The following BCL7C variants were observed in gnomAD, a reference collection of about 807,000 sequenced individuals.
The protein encoded by BCL7C is B-cell CLL/lymphoma 7 protein family member C.
BCL7C carries 8 observed loss-of-function variants against 26.2 expected under a neutral mutation model. The ratio of observed to expected loss-of-function variants is 0.30; its 90% CI spans 0.18 to 0.55. The LOEUF (loss-of-function observed/expected upper bound fraction) is 0.55, where lower values mean the gene tolerates loss of function less well. BCL7C is among the 20% of genes least tolerant of loss of function. The pLI, the probability that BCL7C is intolerant of heterozygous loss-of-function variation, is 0.93. For synonymous variants in BCL7C, 90 were observed against 116.5 expected (o/e 0.77, Z 1.47); for missense variants, 262 against 298.5 (o/e 0.88, Z 0.90).
chr16:30,890,723 C>T (rs2055213884), intron 4 of BCL7C, among the ~76,000 whole-genome samples: 3 of 151,578 alleles, frequency 2.0e-5, no homozygotes, highest in Admixed American at 6.6e-5. Flanking sequence ...CGGTGGCTCA[C>T]GCCTGTAATC....
At chr16:30,864,236 C>G (rs1035026159) in intron 5 of BCL7C, among the ~76,000 whole-genome samples, 11 of 152,110 alleles carry the variant, frequency 7.2e-5, no homozygotes, top group Non-Finnish European at 1.3e-4. Flanking sequence ...TAAAAAAACT[C>G]AAGGATAGAG....
intron 5 of BCL7C, among the ~76,000 whole-genome samples, chr16:30,860,925 T>C (rs1424489210): frequency 2.6e-5 from 4 of 152,008 alleles, no homozygotes; most frequent in Non-Finnish European, 5.9e-5. Flanking sequence ...CTATAATCCT[T>C]CTATCACCTC....
chr16:30,882,437 G>T lies in BCL7C; in HGVS notation c.528+6423C>A, dbSNP rs548403857. ...GCAACAGCCACCACTTCACGACATA[G>T]CAGAGGAGGGGTCAGGGGCTGAGGG... On this transcript the variant is annotated intron_variant, in intron 5 of 5. Coordinates refer to the BCL7C transcript ENST00000380317. Among the ~76,000 whole-genome samples, 9 of 152,292 alleles carry T rather than the reference G, an allele frequency of 5.9e-5. No individual in the cohort carries two copies. In the South Asian group the frequency reaches 1.9e-3, roughly 32 times the overall value.
chr16:30,862,497 T>C (rs1373369886), intron 5 of BCL7C, among the ~76,000 whole-genome samples: 3 of 152,098 alleles, frequency 2.0e-5, no homozygotes, highest in Admixed American at 6.6e-5. Context: ...CTTCTCACCT[T>C]ATTCAATATT....
chr16:30,890,285 C>T (rs565153311), intron 4 of BCL7C, among the ~76,000 whole-genome samples: 117 of 152,146 alleles, frequency 7.7e-4, no homozygotes, highest in African/African-American at 2.7e-3. Context: ...ATCCCAGCTA[C>T]TCAGGAGGCT....
In BCL7C at chr16:30,887,907, G is replaced by T; in HGVS notation, c.612C>A (p.Ala204=). ...TTGGGCAGATGCGCTTGAGTGGGGG[G>T]GCACCCTCCGAGTCCTCTGTGTCAC... ...AQGDTEDSEG[A]PPLKRICPNA... is the part of the protein sequence containing the mutation. The change falls in exon 6 of 6, where the codon GCC becomes GCA. Residue 204 remains alanine (A), a synonymous_variant. Coordinates refer to ENST00000215115, the MANE Select transcript of BCL7C (RefSeq NM_004765.4). 1 of 1,602,920 alleles carries T rather than the reference G, an allele frequency of 6.2e-7. No individual in the cohort carries two copies. Among genetic ancestry groups the T allele is most frequent in the Non-Finnish European group, 8.5e-7 (1 of 1,175,336 alleles).
chr16:30,857,986 A>G lies in BCL7C; in HGVS notation c.529-22838T>C, dbSNP rs113237880. On this transcript the variant is annotated intron_variant, in intron 5 of 5. Coordinates refer to the BCL7C transcript ENST00000380317. ...AACTCCAACTCCAAAAAAAAAAAAA[A>G]AAAGAAAGAAAGAAAGAAAAGCCAT... is the stretch of plus-strand genomic sequence containing the variant. Among the ~76,000 whole-genome samples the G allele has an allele frequency of 1.7e-3, 264 of 151,546 alleles. 2 individuals carry two copies. The highest frequency in any genetic ancestry group is 6.8e-3 in the Middle Eastern group (2 of 292).
In BCL7C at chr16:30,834,831, A is replaced by C; in HGVS notation, c.*117T>G. ...CAGGTGTGGGGCCGCTCGCCCTCCG[A>C]TGTTACCGCGGTGGGTGAGCTGGGA... is the stretch of plus-strand genomic sequence containing the variant. On this transcript the variant is annotated 3_prime_UTR_variant, in exon 6 of 6. Coordinates refer to the BCL7C transcript ENST00000380317. This position sits in a 1 kb window ranked among gnomAD's most constrained non-coding sequence, Gnocchi z 4.3. 9.3e-7 allele frequency: 1 copy of C among 1,075,314 alleles called. No homozygotes were observed. The highest frequency in any genetic ancestry group is 1.3e-6 in the Non-Finnish European group (1 of 768,912). The allele number at this position is 1,075,314 out of a possible 1,614,324, so 66.6% of individuals were successfully genotyped here. A position where few individuals can be genotyped will look rare whatever the true frequency, so the allele number is the denominator to read the frequency against.
chr16:30,846,834 C>A (rs1352614630), intron 5 of BCL7C, among the ~76,000 whole-genome samples: 2 of 152,236 alleles, frequency 1.3e-5, no homozygotes, highest in African/African-American at 2.4e-5. Context: ...GGGATGCCAG[C>A]AACCCATGGC....
intron 4 of BCL7C, among the ~76,000 whole-genome samples, chr16:30,890,859 C>A (rs1330503458): frequency 6.6e-6 from 1 of 152,002 alleles, no homozygotes; most frequent in African/African-American, 2.4e-5. Context: ...GTGGTGCATG[C>A]CTATAATCCC....
Position 30,889,851 on chromosome 16 carries a change from A to G in BCL7C, c.443-906T>C, listed in dbSNP as rs2055197901. Among the ~76,000 whole-genome samples, 4 of 151,296 alleles carry G rather than the reference A, an allele frequency of 2.6e-5. No homozygotes were observed. In the South Asian group the frequency reaches 8.4e-4, roughly 32 times the overall value. The stretch of plus-strand genomic sequence containing the variant: ...GCTACTCAGGAGGCTGACTGAGCCC[A>G]GGAATCCAAGGCTGCAGTGAGCCGT... On this transcript the variant is annotated intron_variant, in intron 4 of 5. Coordinates refer to ENST00000215115, the MANE Select transcript of BCL7C (RefSeq NM_004765.4).
chr16:30,890,510 T>A (rs1467083805), intron 4 of BCL7C, among the ~76,000 whole-genome samples: 1 of 151,612 alleles, frequency 6.6e-6, no homozygotes, highest in African/African-American at 2.4e-5. Context: ...CATAACAAGA[T>A]CATCACCCTT....
In BCL7C at chr16:30,834,744, C is replaced by T. The variant is rs867210339; in HGVS notation, c.*204G>A. ...GATGTGGTCCGAGTTCTGCCCTAAG[C>T]CCTTCCCATGCATTCGGGCGCCAGT... On this transcript the variant is annotated 3_prime_UTR_variant, in exon 6 of 6. Coordinates refer to the BCL7C transcript ENST00000380317. This position sits in a 1 kb window ranked among gnomAD's most constrained non-coding sequence, Gnocchi z 4.3. The T allele has an allele frequency of 1.1e-5, 6 of 546,272 alleles. No individual in the cohort carries two copies. Among genetic ancestry groups the T allele is most frequent in the Middle Eastern group, 5.0e-4 (1 of 2,006 alleles). 33.8% of individuals were successfully genotyped at this position (546,272 alleles called of 1,614,324 possible).
chr16:30,887,954 G>C lies in BCL7C; in HGVS notation c.565C>G (p.Pro189Ala). The C allele has an allele frequency of 6.2e-7, 1 of 1,607,104 alleles. No homozygotes were observed. The highest frequency in any genetic ancestry group is 1.7e-5 in the Admixed American group (1 of 59,024). The change falls in exon 6 of 6, where the codon CCT (proline) becomes GCT (alanine). Residue 189 changes from proline to alanine, a missense_variant. By Grantham distance (27) the Pro-to-Ala change is conservative. Transcript: ENST00000215115. ...EAYPVFEPVP[P>A]VPEAAQGDTE... Reference sequence around the variant, plus strand: ...TCACCCTGGGCTGCCTCAGGGACAGGTGGCACTGGCTCAAAGACAGGGTAA... The same window carrying C: ...TCACCCTGGGCTGCCTCAGGGACAGCTGGCACTGGCTCAAAGACAGGGTAA...
At chr16:30,874,831 G>C (rs1025419518) in intron 5 of BCL7C, among the ~76,000 whole-genome samples, 2 of 152,168 alleles carry the variant, frequency 1.3e-5, no homozygotes, top group Non-Finnish European at 2.9e-5. Context: ...CTTCTGCCTC[G>C]CGAGGTGGAG....
At chr16:30,890,478 T>C (rs1026747077) in intron 4 of BCL7C, among the ~76,000 whole-genome samples, 1 of 151,990 alleles carries the variant, frequency 6.6e-6, no homozygotes, top group South Asian at 2.1e-4. Flanking sequence ...GGGTCTCAGT[T>C]TCCTCATCTA....
At chr16:30,845,748 C>T (rs2054630625) in intron 5 of BCL7C, among the ~76,000 whole-genome samples, 1 of 151,390 alleles carries the variant, frequency 6.6e-6, no homozygotes, top group Admixed American at 6.6e-5. Flanking sequence ...AGACAGCACT[C>T]TGTTGCCCAG....
chr16:30,841,678 G>A (rs140498501), intron 5 of BCL7C, among the ~76,000 whole-genome samples: 2 of 149,746 alleles, frequency 1.3e-5, no homozygotes, highest in African/African-American at 2.5e-5. Flanking sequence ...GCCCTTGGCC[G>A]GGCATGGTGG....
chr16:30,893,044 G>A lies in BCL7C; in HGVS notation c.172-96C>T. ...GAGAAGCAAAAGGGCTCAAACTCAG[G>A]GGGTGTGGAGCAGAAAAGAGGGCAA... On this transcript the variant is annotated intron_variant, in intron 2 of 5. Coordinates refer to ENST00000215115, the MANE Select transcript of BCL7C (RefSeq NM_004765.4). This position sits in a 1 kb window ranked among gnomAD's most constrained non-coding sequence, Gnocchi z 5.2. The A allele has an allele frequency of 7.6e-7, 1 of 1,313,586 alleles. No homozygotes were observed. The highest frequency in any genetic ancestry group is 1.1e-6 in the Non-Finnish European group (1 of 937,116). 81.4% of individuals were successfully genotyped at this position (1,313,586 alleles called of 1,614,324 possible).
Sources: gnomAD v4.1 joint callset for allele counts (sites outside exome capture counted in the v4.1 genomes callset) on GRCh38, gnomAD v4.1.1 for gene constraint, Gnocchi (gnomAD v3.1) non-coding constraint, MANE v1.5 for transcripts, NCBI Gene and HGNC (gene_info 2026-07-23, HGNC 2026-07-21) for gene names.